The following FSTL5 variants were observed in gnomAD, a reference collection of about 807,000 sequenced individuals.
The protein encoded by FSTL5 is follistatin like 5, also known as follistatin-related protein 5.
Under a neutral mutation model 89.1 loss-of-function variants are expected in FSTL5, and 62 were observed. That is an observed-to-expected ratio of 0.70 (90% CI 0.57 to 0.86). The LOEUF is 0.86. FSTL5 is among the 40% of genes least tolerant of loss of function. FSTL5 has a pLI of 0.00. For missense variants in FSTL5, 1,057 were observed against 1,001.6 expected, an observed-to-expected ratio of 1.06 and a Z score of -0.75; for synonymous variants, 383 against 346.2, an observed-to-expected ratio of 1.11 and a Z score of -1.18.
At chr4:161,694,842 CTTTTT>C (rs34276732) in intron 6 of FSTL5, among the ~76,000 whole-genome samples, 2 of 106,196 alleles carry the variant, frequency 1.9e-5, no homozygotes, top group Non-Finnish European at 1.8e-5. Context: ...TTCTAAATGC[CTTTTT>C]TTTTTTTTTT....
At chr4:161,733,353 C>T (rs371324593) in intron 6 of FSTL5, among the ~76,000 whole-genome samples, 5 of 151,914 alleles carry the variant, frequency 3.3e-5, no homozygotes, top group Non-Finnish European at 7.4e-5. Flanking sequence ...ATTCTGTGCT[C>T]CTGCAGAACT....
chr4:161,814,930 A>G (rs2126843639), intron 4 of FSTL5, among the ~76,000 whole-genome samples: 1 of 152,212 alleles, frequency 6.6e-6, no homozygotes, highest in African/African-American at 2.4e-5. Flanking sequence ...CTAGCATCTA[A>G]GTGCATAGAT....
chr4:161,985,888 T>C (rs137888640), intron 3 of FSTL5, among the ~76,000 whole-genome samples: 60 of 152,270 alleles, frequency 3.9e-4, no homozygotes, highest in African/African-American at 9.9e-4. Context: ...ATTGTTTTGA[T>C]TGCATTCCTT....
chr4:161,706,389 A>G (rs1738580504), intron 6 of FSTL5, among the ~76,000 whole-genome samples: 1 of 152,004 alleles, frequency 6.6e-6, no homozygotes, highest in Non-Finnish European at 1.5e-5. Flanking sequence ...ATGTAGAAAT[A>G]ATTTATCCTC....
At chr4:161,408,741 C>T (rs1731481560) in intron 15 of FSTL5, among the ~76,000 whole-genome samples, 2 of 152,120 alleles carry the variant, frequency 1.3e-5, no homozygotes, top group South Asian at 2.1e-4. Flanking sequence ...CCAAACTGAG[C>T]TTCTTGAGCT....
chr4:161,638,407 C>A (rs1735813413), intron 7 of FSTL5, among the ~76,000 whole-genome samples: 1 of 152,274 alleles, frequency 6.6e-6, no homozygotes, highest in South Asian at 2.1e-4. Context: ...ATGTCGTCTG[C>A]AAACAGGGAC....
intron 15 of FSTL5, among the ~76,000 whole-genome samples, chr4:161,448,393 C>T (rs1334628351): frequency 6.6e-6 from 1 of 152,066 alleles, no homozygotes; most frequent in African/African-American, 2.4e-5. Flanking sequence ...TCTCCATACA[C>T]CTGGCCTGTC....
At chr4:162,125,393 C>T (rs935750927) in intron 1 of FSTL5, among the ~76,000 whole-genome samples, 1 of 152,034 alleles carries the variant, frequency 6.6e-6, no homozygotes, top group South Asian at 2.1e-4. Flanking sequence ...TTTTGAGGCA[C>T]AGTATAATGA....
At chr4:162,091,111 C>G (rs553630114) in intron 2 of FSTL5, among the ~76,000 whole-genome samples, 2 of 152,184 alleles carry the variant, frequency 1.3e-5, no homozygotes, top group East Asian at 3.9e-4. Flanking sequence ...TACATTTACT[C>G]CTTCTTCTTA....
chr4:161,499,074 C>T (rs112577018), intron 12 of FSTL5, among the ~76,000 whole-genome samples: 12,642 of 151,874 alleles, frequency 0.083, 612 homozygotes, highest in Middle Eastern at 0.14. Context: ...TGGAGGCACG[C>T]GCCTGTAATC....
In FSTL5 at chr4:161,404,884, C is replaced by T. The variant is rs4353855; in HGVS notation, c.1842-18435G>A. Reference sequence around the variant, plus strand: ...AAAAAAGAAATTAACAAAAACTTTCCGAGGAAGAACAAACATTGGAATTAC... The same window carrying T: ...AAAAAAGAAATTAACAAAAACTTTCTGAGGAAGAACAAACATTGGAATTAC... On this transcript the variant is annotated intron_variant, in intron 15 of 15. Coordinates refer to ENST00000306100, the MANE Select transcript of FSTL5 (RefSeq NM_020116.5). Among the ~76,000 whole-genome samples, 6 of 151,890 alleles carry T rather than the reference C, an allele frequency of 4.0e-5. No homozygotes were observed. In the South Asian group the frequency reaches 6.3e-4, roughly 16 times the overall value.
intron 8 of FSTL5, among the ~76,000 whole-genome samples, chr4:161,561,898 T>C (rs1446999538): frequency 1.3e-5 from 2 of 151,974 alleles, no homozygotes; most frequent in African/African-American, 4.8e-5. Flanking sequence ...CCACACACAT[T>C]GTTGCAAAGC....
chr4:161,835,514 G>A (rs1731008696), intron 4 of FSTL5, among the ~76,000 whole-genome samples: 1 of 151,844 alleles, frequency 6.6e-6, no homozygotes. Context: ...GAGTGAACAG[G>A]CAACCTACAA....
chr4:161,861,294 G>A (rs1385143447), intron 4 of FSTL5, among the ~76,000 whole-genome samples: 2 of 152,106 alleles, frequency 1.3e-5, no homozygotes, highest in Non-Finnish European at 2.9e-5. Flanking sequence ...ATGGTGGTGC[G>A]TGCCGCAATC....
intron 3 of FSTL5, among the ~76,000 whole-genome samples, chr4:162,015,506 C>T (rs930580337): frequency 2.6e-5 from 4 of 152,144 alleles, no homozygotes; most frequent in Non-Finnish European, 5.9e-5. Flanking sequence ...ACACGCTGCC[C>T]ACTAAAGCAC....
At chr4:162,100,165 C>A (rs371808828) in intron 2 of FSTL5, among the ~76,000 whole-genome samples, 13 of 152,134 alleles carry the variant, frequency 8.5e-5, no homozygotes, top group East Asian at 7.7e-4. Context: ...TTGGAAGCAA[C>A]CAAGATGTTC....
At chr4:161,989,570 A>T (rs974564946) in intron 3 of FSTL5, among the ~76,000 whole-genome samples, 1 of 152,152 alleles carries the variant, frequency 6.6e-6, no homozygotes, top group African/African-American at 2.4e-5. Context: ...TAATAAATTA[A>T]AAACAAATGC....
At chr4:161,546,232 A>G (rs750369009) in intron 8 of FSTL5, among the ~76,000 whole-genome samples, 16 of 150,192 alleles carry the variant, frequency 1.1e-4, no homozygotes, top group Non-Finnish European at 1.3e-4. Flanking sequence ...TACAGATGAG[A>G]GAGTAAGTGA....
chr4:162,009,715 A>G lies in FSTL5; in HGVS notation c.160+23910T>C, dbSNP rs548277668. 1.1e-4 allele frequency among the ~76,000 whole-genome samples: 16 copies of G among 152,234 alleles called. No homozygotes were observed. In the South Asian group the frequency reaches 3.3e-3, roughly 31 times the overall value. Reference sequence around the variant, plus strand: ...AATAAAACTGCTATACAAAGAAAATAAGGATTATTATTTTTCATTCCTACA... The same window carrying G: ...AATAAAACTGCTATACAAAGAAAATGAGGATTATTATTTTTCATTCCTACA... On this transcript the variant is annotated intron_variant, in intron 3 of 15. Coordinates refer to ENST00000306100, the MANE Select transcript of FSTL5 (RefSeq NM_020116.5).
Sources: allele counts gnomAD v4.1 joint callset (sites outside exome capture counted in the v4.1 genomes callset), GRCh38; gene constraint gnomAD v4.1.1; transcripts MANE v1.5; gene names NCBI Gene and HGNC (gene_info 2026-07-23, HGNC 2026-07-21).